The following PPEF1 variants were observed in gnomAD, a reference collection of about 807,000 sequenced individuals.
The protein encoded by PPEF1 is serine/threonine-protein phosphatase with EF-hands 1.
PPEF1 carries 12 observed loss-of-function variants against 53.3 expected under a neutral mutation model. That is an observed-to-expected ratio of 0.23 (90% CI 0.14 to 0.36). The LOEUF is 0.36. PPEF1 is among the 10% of genes least tolerant of loss of function. The pLI, the probability that PPEF1 is intolerant of heterozygous loss-of-function variation, is 1.00. For missense variants in PPEF1, 334 were observed against 490.4 expected, an observed-to-expected ratio of 0.68 and a Z score of 3.01; for synonymous variants, 165 against 176.7, an observed-to-expected ratio of 0.93 and a Z score of 0.52.
intron 13 of PPEF1, among the ~76,000 whole-genome samples, chrX:18,819,642 C>T (rs969913982): frequency 3.6e-5 from 4 of 111,598 alleles, no homozygotes; most frequent in Admixed American, 2.9e-4. Flanking sequence ...TGCAGTGACC[C>T]GAGACCGCAC....
chrX:18,810,284 G>A lies in PPEF1; in HGVS notation c.1394+3739G>A, dbSNP rs1431847273. 7.4e-5 allele frequency among the ~76,000 whole-genome samples: 8 copies of A among 108,502 alleles called. No individual in the cohort carries two copies. The Admixed American group carries it at 8.0e-4, about 11-fold the overall frequency. 94.2% of individuals were successfully genotyped at this position (108,502 alleles called of 115,157 possible). A position where few individuals can be genotyped will look rare whatever the true frequency, so the allele number is the denominator to read the frequency against. ...TAATTTCATTATAATTTTTGGATCTGTACCTTTGTTTAGAAAATTTCTCTT... is the reference window on the plus strand; with the variant it reads ...TAATTTCATTATAATTTTTGGATCTATACCTTTGTTTAGAAAATTTCTCTT... On this transcript the variant is annotated intron_variant, in intron 12 of 15. Transcript: ENST00000470157.
At chrX:18,694,609 T>C (rs1383047058) in intron 4 of PPEF1, among the ~76,000 whole-genome samples, 1 of 111,380 alleles carries the variant, frequency 9.0e-6, no homozygotes, top group Non-Finnish European at 1.9e-5. Flanking sequence ...TGGTGGCATG[T>C]ACCTGTGATC....
In PPEF1 at chrX:18,740,916, A is replaced by AT. The variant is rs749122735; in HGVS notation, c.235+7130dup. Among the ~76,000 whole-genome samples, 684 of 75,126 alleles carry AT rather than the reference A, an allele frequency of 9.1e-3. 3 individuals are homozygous for AT. Among genetic ancestry groups the AT allele is most frequent in the African/African-American group, 0.018 (361 of 19,919 alleles). The allele number at this position is 75,126 out of a possible 115,157, so 65.2% of individuals were successfully genotyped here. Reference sequence around the variant, plus strand: ...CATTTTGCTTTAATTTGGGCCAACCATTTTTTTTTTTTTTTTTTTTTTGCT... The same window carrying AT: ...CATTTTGCTTTAATTTGGGCCAACCATTTTTTTTTTTTTTTTTTTTTTTGCT... On this transcript the variant is annotated intron_variant, in intron 3 of 15. Coordinates refer to ENST00000470157, the MANE Select transcript of PPEF1 (RefSeq NM_001377996.1).
chrX:18,785,646 G>A (rs2046183873), intron 9 of PPEF1, among the ~76,000 whole-genome samples: 1 of 110,759 alleles, frequency 9.0e-6, no homozygotes, highest in Non-Finnish European at 1.9e-5. Flanking sequence ...ACTTTGGGAG[G>A]TTGAGGTGGG....
At chrX:18,697,162 G>A (rs1378340735) in intron 4 of PPEF1, among the ~76,000 whole-genome samples, 1 of 111,731 alleles carries the variant, frequency 9.0e-6, no homozygotes, top group African/African-American at 3.3e-5. Context: ...AAATGTCCTG[G>A]GTTGGGATCC....
chrX:18,741,691 C>G (rs925540803), intron 3 of PPEF1, among the ~76,000 whole-genome samples: 1 of 108,641 alleles, frequency 9.2e-6, no homozygotes, highest in Non-Finnish European at 1.9e-5. Context: ...TTCTTGACTT[C>G]TACACCCTAG....
At chrX:18,697,216 T>C (rs1929778865) in intron 4 of PPEF1, among the ~76,000 whole-genome samples, 1 of 111,584 alleles carries the variant, frequency 9.0e-6, no homozygotes, top group African/African-American at 3.3e-5. Context: ...GCAAGTTTAT[T>C]TGGAAGGCAG....
At chrX:18,824,160 G>A in intron 14 of PPEF1, 74 bp downstream of exon 14, 2 of 1,028,959 alleles carry the variant, frequency 1.9e-6, no homozygotes, top group Non-Finnish European at 1.3e-6. Flanking sequence ...AGCTGGGAGT[G>A]GCCGGGCACA....
intron 13 of PPEF1, among the ~76,000 whole-genome samples, chrX:18,821,747 C>T (rs773368047): frequency 4.2e-5 from 4 of 95,335 alleles, no homozygotes; most frequent in East Asian, 7.1e-4. Flanking sequence ...TTGAAGTTGA[C>T]GAAACCATGG....
intron 1 of PPEF1, among the ~76,000 whole-genome samples, chrX:18,718,095 T>A (rs1002252509): frequency 1.8e-5 from 2 of 112,158 alleles, no homozygotes; most frequent in Non-Finnish European, 3.8e-5. Context: ...ATTTAATGCC[T>A]GTATGAAACA....
At chrX:18,824,202 G>A (rs1248199266) in intron 14 of PPEF1, 116 bp downstream of exon 14, 7 of 787,890 alleles carry the variant, frequency 8.9e-6, no homozygotes, top group Non-Finnish European at 6.9e-6. Context: ...AGCACTTTCG[G>A]AGGCCAAGGC....
At chrX:18,705,452 G>A (rs57208763), upstream of PPEF1, among the ~76,000 whole-genome samples, 5,930 of 112,255 alleles carry the variant, frequency 0.053, 389 homozygotes, top group African/African-American at 0.18. Context: ...GGTGGCTGAT[G>A]CCTGTCATCC....
At chrX:18,698,609 AC>A (rs1200533891) in intron 5 of PPEF1, among the ~76,000 whole-genome samples, 1 of 111,548 alleles carries the variant, frequency 9.0e-6, no homozygotes, top group Non-Finnish European at 1.9e-5. Flanking sequence ...ACATGGTGAA[AC>A]CTCGTCTGTA....
Position 18,739,537 on chromosome X carries a change from C to T in PPEF1, c.235+5729C>T, listed in dbSNP as rs144386496. Among the ~76,000 whole-genome samples, 744 of 111,897 alleles carry T rather than the reference C, an allele frequency of 6.6e-3. 10 individuals are homozygous for T. The highest frequency in any genetic ancestry group is 0.022 in the African/African-American group (673 of 30,877). On this transcript the variant is annotated intron_variant, in intron 3 of 15. Transcript: ENST00000470157. The stretch of plus-strand genomic sequence containing the variant: ...GTACCTGGCTGTATGAGGTGTCATT[C>T]GGCCCCTCCTGGGAGTTGTCTCCCA...
Position 18,701,586 on chromosome X carries a change from G to A in PPEF1, c.-123+1151G>A, listed in dbSNP as rs777811938. On this transcript the variant is annotated intron_variant, in intron 6 of 21. Coordinates refer to the PPEF1 transcript ENST00000361511. The stretch of plus-strand genomic sequence containing the variant: ...GACTTCTAAACCCAAGGCTCCACTG[G>A]GCCAGCATTAGGCAGTTAGGAACAA... Among the ~76,000 whole-genome samples the A allele has an allele frequency of 2.7e-5, 3 of 112,243 alleles. No individual in the cohort carries two copies. In the South Asian group the frequency reaches 1.1e-3, roughly 41 times the overall value.
At chrX:18,776,523 C>T (rs1691022176) in intron 6 of PPEF1, among the ~76,000 whole-genome samples, 1 of 111,600 alleles carries the variant, frequency 9.0e-6, no homozygotes, top group South Asian at 3.8e-4. Flanking sequence ...TGTTGTGAGC[C>T]ATCGTGCCCA....
chrX:18,760,692 C>T (rs1367589147), intron 5 of PPEF1, among the ~76,000 whole-genome samples: 2 of 109,849 alleles, frequency 1.8e-5, no homozygotes, highest in Non-Finnish European at 3.8e-5. Context: ...ACTGCAGCCT[C>T]GACTTCCCAG....
At chrX:18,690,451 A>G (rs1340937380) in intron 3 of PPEF1, among the ~76,000 whole-genome samples, 7 of 103,045 alleles carry the variant, frequency 6.8e-5, no homozygotes, top group Non-Finnish European at 1.2e-4. Context: ...GTCTCAGCTC[A>G]CTGCAACCTC....
At chrX:18,760,777 ATT>A (rs35558454) in intron 5 of PPEF1, among the ~76,000 whole-genome samples, 3 of 74,057 alleles carry the variant, frequency 4.1e-5, no homozygotes, top group Non-Finnish European at 2.5e-5. Context: ...AAACCTGGCA[ATT>A]TTTTTTTTTT....
Sources: allele counts gnomAD v4.1 joint callset (sites outside exome capture counted in the v4.1 genomes callset), GRCh38; gene constraint gnomAD v4.1.1; transcripts MANE v1.5; gene names NCBI Gene and HGNC (gene_info 2026-07-23, HGNC 2026-07-21).